Variants in PLEKHA2 observed in about 807,000 individuals in gnomAD.
PLEKHA2 encodes pleckstrin homology domain containing A2.
A neutral mutation model predicts 53.2 loss-of-function variants in PLEKHA2; 28 were observed. The observed-to-expected ratio is 0.53, with a 90% CI of 0.39 to 0.72. The LOEUF (loss-of-function observed/expected upper bound fraction) is 0.72, where lower values mean the gene tolerates loss of function less well. Ranked by LOEUF, PLEKHA2 falls within the 30% of genes least tolerant of loss-of-function variation. PLEKHA2 has a pLI of 0.00. For synonymous variants in PLEKHA2, 193 were observed against 196.4 expected (o/e 0.98, Z 0.14); for missense variants, 426 against 537.9 (o/e 0.79, Z 2.06).
At chr8:38,952,057 C>A in intron 6 of PLEKHA2, 109 bp from the exon 7 acceptor site, 1 of 1,364,122 alleles carries the variant, frequency 7.3e-7, no homozygotes, top group Non-Finnish European at 1.0e-6. Flanking sequence ...CCATTTATTT[C>A]TTCTTTGACT....
chr8:38,944,780 G>T (rs557047922), intron 4 of PLEKHA2, among the ~76,000 whole-genome samples: 1 of 152,188 alleles, frequency 6.6e-6, no homozygotes, highest in East Asian at 1.9e-4. Context: ...ATTTGGGTGG[G>T]GACAGAGATC....
At chr8:38,943,738 C>A in intron 3 of PLEKHA2, 51 bp from the exon 4 acceptor site, 2 of 1,382,966 alleles carry the variant, frequency 1.4e-6, no homozygotes, top group Admixed American at 2.5e-5. Flanking sequence ...AAGAAATCTT[C>A]AACATTGTAA....
intron 1 of PLEKHA2, among the ~76,000 whole-genome samples, chr8:38,911,705 T>C (rs1588234279): frequency 6.6e-6 from 1 of 152,246 alleles, no homozygotes; most frequent in South Asian, 2.1e-4. Context: ...CTGGGTGTGG[T>C]GGCTCATGCC....
At chr8:38,945,004 G>A (rs1042200038) in intron 4 of PLEKHA2, among the ~76,000 whole-genome samples, 2 of 152,148 alleles carry the variant, frequency 1.3e-5, no homozygotes, top group African/African-American at 4.8e-5. Flanking sequence ...TAAGACAAAG[G>A]AAGGAGAATT....
intron 1 of PLEKHA2, among the ~76,000 whole-genome samples, chr8:38,909,659 A>G (rs898298787): frequency 2.0e-5 from 3 of 152,148 alleles, no homozygotes; most frequent in East Asian, 1.9e-4. Context: ...TGGGGCTGCA[A>G]TACCTCCCAG....
chr8:38,944,999 CA>C (rs1225505433), intron 4 of PLEKHA2, among the ~76,000 whole-genome samples: 2 of 152,056 alleles, frequency 1.3e-5, no homozygotes, highest in Non-Finnish European at 2.9e-5. Context: ...GGGGATAAGA[CA>C]AAGGAAGGAG....
intron 5 of PLEKHA2, among the ~76,000 whole-genome samples, chr8:38,949,353 C>T (rs923901070): frequency 6.6e-6 from 1 of 152,120 alleles, no homozygotes; most frequent in Non-Finnish European, 1.5e-5. Context: ...ACATTTGACC[C>T]CTGGCCTCTC....
chr8:38,972,248 G>C lies in PLEKHA2; in HGVS notation c.*2465G>C, dbSNP rs1376693340. ...CTTACCCAGGCTAGAGTGCAGTGGT[G>C]TGATCATAGTTCATCATAACTTTGA... On this transcript the variant is annotated 3_prime_UTR_variant, in exon 12 of 12. Transcript: ENST00000617275. The C allele has an allele frequency of 2.0e-5, 3 of 151,970 alleles. No homozygotes were observed. The highest frequency in any genetic ancestry group is 7.3e-5 in the African/African-American group (3 of 41,338). The allele number at this position is 151,970 out of a possible 1,614,324, so 9.4% of individuals were successfully genotyped here.
intron 1 of PLEKHA2, among the ~76,000 whole-genome samples, chr8:38,909,441 A>G (rs1276699083): frequency 6.2e-5 from 8 of 128,778 alleles, no homozygotes; most frequent in Non-Finnish European, 1.3e-4. Flanking sequence ...TGTTTTAAGC[A>G]GTGATCTTTC....
In PLEKHA2 at chr8:38,922,159, T is replaced by C. The variant is rs1834205957; in HGVS notation, c.141+4089T>C. ...CTAACTCTAGTGCCCCTGCCATTAT[T>C]GCTGATAATGAGACAGGCGTCTAAG... On this transcript the variant is annotated intron_variant, in intron 2 of 11. Coordinates refer to ENST00000617275, the MANE Select transcript of PLEKHA2 (RefSeq NM_021623.2). This position sits in a 1 kb window ranked among gnomAD's most constrained non-coding sequence, Gnocchi z 4.0. 1.3e-5 allele frequency among the ~76,000 whole-genome samples: 2 copies of C among 152,128 alleles called. No homozygotes were observed. The highest frequency in any genetic ancestry group is 2.9e-5 in the Non-Finnish European group (2 of 68,028).
chr8:38,916,039 G>A (rs1399893060), intron 1 of PLEKHA2, among the ~76,000 whole-genome samples: 3 of 152,022 alleles, frequency 2.0e-5, no homozygotes, highest in African/African-American at 7.3e-5. Context: ...GCAATGGTGT[G>A]ATCTCGTCTC....
intron 1 of PLEKHA2, among the ~76,000 whole-genome samples, chr8:38,917,189 T>C (rs1449332562): frequency 3.3e-5 from 5 of 152,206 alleles, no homozygotes. Flanking sequence ...CCTTGTCAGA[T>C]GGGTAATTTG....
chr8:38,914,786 G>C (rs1272590018), intron 1 of PLEKHA2, among the ~76,000 whole-genome samples: 1 of 152,212 alleles, frequency 6.6e-6, no homozygotes, highest in Non-Finnish European at 1.5e-5. Context: ...CTTCCCTTTG[G>C]CTCTCAGAGA....
chr8:38,950,685 G>A, intron 5 of PLEKHA2, 165 bp from the exon 6 acceptor site: 4 of 739,970 alleles, frequency 5.4e-6, no homozygotes, highest in Non-Finnish European at 8.5e-6. Context: ...TGCTGGTTGA[G>A]ATGCTCATAT....
intron 5 of PLEKHA2, among the ~76,000 whole-genome samples, chr8:38,950,067 A>T (rs1279741982): frequency 6.6e-6 from 1 of 152,020 alleles, no homozygotes; most frequent in African/African-American, 2.4e-5. Context: ...TTTTTTCGAG[A>T]CAGGGTCTCT....
At chr8:38,901,499 G>A (rs1185790202) in intron 1 of PLEKHA2, 54 bp downstream of exon 1, 2 of 151,742 alleles carry the variant, frequency 1.3e-5, no homozygotes, top group Non-Finnish European at 2.9e-5. Context: ...AGGGGCGCGC[G>A]GGGGCTGGCG....
rs150722357 is a variant in PLEKHA2 at position 38,969,941 on chromosome 8, C to CTGTGTGTGTGTGTG, written c.*182_*195dup. On this transcript the variant is annotated 3_prime_UTR_variant, in exon 12 of 12. Coordinates refer to ENST00000617275, the MANE Select transcript of PLEKHA2 (RefSeq NM_021623.2). ...GGAGGGAGGGGCCCATCCAGCTGGG[C>CTGTGTGTGTGTGTG]TGTGTGTGTGTGTGTGTGTGTGTGT... The CTGTGTGTGTGTGTG allele has an allele frequency of 4.3e-6, 3 of 697,740 alleles. No homozygotes were observed. The highest frequency in any genetic ancestry group is 3.9e-5 in the African/African-American group (2 of 50,994). 43.2% of individuals were successfully genotyped at this position (697,740 alleles called of 1,614,324 possible). A position where few individuals can be genotyped will look rare whatever the true frequency, so the allele number is the denominator to read the frequency against.
intron 1 of PLEKHA2, chr8:38,901,743 C>A (rs1833788895): frequency 6.8e-6 from 1 of 145,996 alleles, no homozygotes; most frequent in African/African-American, 2.5e-5. Flanking sequence ...GGGGTGGGGC[C>A]GCGGAGAGGG....
intron 10 of PLEKHA2, among the ~76,000 whole-genome samples, chr8:38,961,111 A>G (rs1482794908): frequency 2.6e-5 from 4 of 152,088 alleles, no homozygotes; most frequent in African/African-American, 9.7e-5. Context: ...GGTAGCCAGA[A>G]TTTTTTTTGA....
Sources: allele counts gnomAD v4.1 joint callset (sites outside exome capture counted in the v4.1 genomes callset), GRCh38; gene constraint gnomAD v4.1.1; non-coding constraint Gnocchi (gnomAD v3.1); transcripts MANE v1.5; gene names NCBI Gene and HGNC (gene_info 2026-07-23, HGNC 2026-07-21).